The following CNTNAP5 variants were observed in gnomAD, a reference collection of about 807,000 sequenced individuals.
CNTNAP5 encodes the protein contactin-associated protein-like 5.
CNTNAP5 carries 72 observed loss-of-function variants against 150.2 expected under a neutral mutation model. The ratio of observed to expected loss-of-function variants is 0.48; its 90% CI spans 0.40 to 0.58. The LOEUF (loss-of-function observed/expected upper bound fraction) is 0.58, where lower values mean the gene tolerates loss of function less well. Ranked by LOEUF, CNTNAP5 falls within the 20% of genes least tolerant of loss-of-function variation. CNTNAP5 has a pLI of 0.00. For missense variants in CNTNAP5, 1,636 were observed against 1,626.2 expected (o/e 1.01, Z -0.10); for synonymous variants, 672 against 619.8 (o/e 1.08, Z -1.25).
chr2:124,388,823 G>A (rs1258593666), intron 3 of CNTNAP5, among the ~76,000 whole-genome samples: 2 of 152,056 alleles, frequency 1.3e-5, no homozygotes, highest in African/African-American at 2.4e-5. Context: ...TGGGATTGTG[G>A]GTGCCCATTG....
At chr2:124,673,089 A>C (rs1476792673) in intron 13 of CNTNAP5, among the ~76,000 whole-genome samples, 1 of 152,222 alleles carries the variant, frequency 6.6e-6, no homozygotes, top group Non-Finnish European at 1.5e-5. Context: ...GATGCTGTGC[A>C]AAATGTAAAT....
chr2:124,122,902 G>GTATA lies in CNTNAP5; in HGVS notation c.82+97182_82+97185dup, dbSNP rs56245047. Reference sequence around the variant, plus strand: ...TCTAGTGATAAGAAAAAAAATATATGTATATATATATATATCTCACATTAA... The same window carrying GTATA: ...TCTAGTGATAAGAAAAAAAATATATGTATATATATATATATATATCTCACATTAA... On this transcript the variant is annotated intron_variant, in intron 1 of 23. Coordinates refer to ENST00000682447, the MANE Select transcript of CNTNAP5 (RefSeq NM_001367498.1). 6.1e-3 allele frequency among the ~76,000 whole-genome samples: 919 copies of GTATA among 150,222 alleles called. 5 individuals are homozygous for GTATA. Among genetic ancestry groups the GTATA allele is most frequent in the Middle Eastern group, 0.021 (6 of 292 alleles).
At chr2:124,803,559 G>T (rs192938576) in intron 19 of CNTNAP5, among the ~76,000 whole-genome samples, 1 of 152,210 alleles carries the variant, frequency 6.6e-6, no homozygotes, top group East Asian at 1.9e-4. Flanking sequence ...TCACCTTCTG[G>T]GGAGGCTGTG....
intron 11 of CNTNAP5, among the ~76,000 whole-genome samples, chr2:124,583,706 C>T (rs543781018): frequency 6.6e-6 from 1 of 152,320 alleles, no homozygotes; most frequent in African/African-American, 2.4e-5. Flanking sequence ...ATGTGTTTCA[C>T]ATCCACTACA....
At chr2:124,626,246 A>C (rs1358612379) in intron 12 of CNTNAP5, among the ~76,000 whole-genome samples, 4 of 152,118 alleles carry the variant, frequency 2.6e-5, no homozygotes, top group Non-Finnish European at 5.9e-5. Context: ...GTCCACTCTC[A>C]CATTGCTATA....
chr2:124,047,028 T>C (rs539625007), intron 1 of CNTNAP5, among the ~76,000 whole-genome samples: 1 of 152,270 alleles, frequency 6.6e-6, no homozygotes, highest in East Asian at 1.9e-4. Flanking sequence ...AAATGATCCA[T>C]CTTAAGTATC....
intron 1 of CNTNAP5, among the ~76,000 whole-genome samples, chr2:124,130,340 G>A (rs1683815313): frequency 6.6e-6 from 1 of 151,700 alleles, no homozygotes; most frequent in East Asian, 1.9e-4. Context: ...ACAGTGCCCT[G>A]TTGCCAAATC....
chr2:124,745,738 G>A (rs1680590734), intron 13 of CNTNAP5, among the ~76,000 whole-genome samples: 1 of 152,202 alleles, frequency 6.6e-6, no homozygotes, highest in Admixed American at 6.5e-5. Flanking sequence ...TTTAGGCAGA[G>A]TGTGGACTGC....
chr2:124,184,500 T>C (rs1685283646), intron 1 of CNTNAP5, among the ~76,000 whole-genome samples: 2 of 152,210 alleles, frequency 1.3e-5, no homozygotes, highest in Non-Finnish European at 2.9e-5. Flanking sequence ...CATTGTCAAA[T>C]TGAAATTAAT....
intron 14 of CNTNAP5, among the ~76,000 whole-genome samples, chr2:124,757,784 T>C (rs190302087): frequency 1.3e-5 from 2 of 152,274 alleles, no homozygotes; most frequent in Non-Finnish European, 2.9e-5. Context: ...AAACCACCAG[T>C]ACATAATAAA....
chr2:124,713,764 A>G (rs2105108342), intron 13 of CNTNAP5, among the ~76,000 whole-genome samples: 1 of 152,184 alleles, frequency 6.6e-6, no homozygotes, highest in Non-Finnish European at 1.5e-5. Context: ...TCCATTCCAA[A>G]ACAGAAACCT....
intron 3 of CNTNAP5, among the ~76,000 whole-genome samples, chr2:124,257,007 AT>A (rs955789180): frequency 2.6e-5 from 4 of 152,174 alleles, no homozygotes; most frequent in African/African-American, 7.2e-5. Context: ...AAGACAGGTC[AT>A]TTAAAGAAAA....
At chr2:124,183,065 C>T (rs1398932275) in intron 1 of CNTNAP5, among the ~76,000 whole-genome samples, 1 of 152,058 alleles carries the variant, frequency 6.6e-6, no homozygotes. Context: ...TTGTACCAAC[C>T]CTTTATATTT....
At chr2:124,402,875 C>T (rs1256053303) in intron 3 of CNTNAP5, among the ~76,000 whole-genome samples, 14 of 152,150 alleles carry the variant, frequency 9.2e-5, no homozygotes, top group Non-Finnish European at 2.1e-4. Context: ...CCAGTAGTGG[C>T]CAGTGCCTAA....
chr2:124,205,010 G>C (rs544142577), intron 1 of CNTNAP5, among the ~76,000 whole-genome samples: 26 of 152,296 alleles, frequency 1.7e-4, no homozygotes, highest in African/African-American at 6.3e-4. Context: ...GACTAGGAAA[G>C]AAAATTTTAA....
intron 13 of CNTNAP5, among the ~76,000 whole-genome samples, chr2:124,667,142 C>T (rs139083398): frequency 1.1e-4 from 16 of 152,306 alleles, no homozygotes; most frequent in African/African-American, 3.4e-4. Flanking sequence ...GCTAGAAGAA[C>T]AGATTGCCCC....
intron 4 of CNTNAP5, among the ~76,000 whole-genome samples, chr2:124,419,153 A>AAAACAAAAAAC (rs1553466546): frequency 1.3e-5 from 1 of 76,404 alleles, no homozygotes; most frequent in Non-Finnish European, 2.6e-5. Context: ...AAAAAAAAAA[A>AAAACAAAAAAC]AAAAAAAAAA....
At chr2:124,147,793 G>C (rs536855113) in intron 1 of CNTNAP5, among the ~76,000 whole-genome samples, 1 of 152,102 alleles carries the variant, frequency 6.6e-6, no homozygotes, top group Non-Finnish European at 1.5e-5. Context: ...GCTTGGGCTC[G>C]GGCACCCTTC....
At chr2:124,198,082 T>C (rs1442831553) in intron 1 of CNTNAP5, among the ~76,000 whole-genome samples, 2 of 152,050 alleles carry the variant, frequency 1.3e-5, no homozygotes, top group Non-Finnish European at 2.9e-5. Flanking sequence ...GAAACCTTGG[T>C]TATTGTCAAT....
Sources: allele counts gnomAD v4.1 joint callset (sites outside exome capture counted in the v4.1 genomes callset), GRCh38; gene constraint gnomAD v4.1.1; transcripts MANE v1.5; gene names NCBI Gene and HGNC (gene_info 2026-07-23, HGNC 2026-07-21).